The following GAS2L3 variants were observed in gnomAD, a reference collection of about 807,000 sequenced individuals.
GAS2L3 encodes the protein growth arrest specific 2 like 3.
A neutral mutation model predicts 37.0 loss-of-function variants in GAS2L3; 28 were observed. That is an observed-to-expected ratio of 0.76 (90% CI 0.56 to 1.04). The LOEUF is 1.04. Ranked by LOEUF, GAS2L3 falls within the 50% of genes least tolerant of loss-of-function variation. GAS2L3 has a pLI of 0.00. For synonymous variants in GAS2L3, 290 were observed against 296.6 expected, an observed-to-expected ratio of 0.98 and a Z score of 0.23; for missense variants, 793 against 817.6, an observed-to-expected ratio of 0.97 and a Z score of 0.37.
rs773644132 is a variant in GAS2L3, at chr12:100,627,630, G to A, written c.*2740G>A. The A allele has an allele frequency of 6.6e-6, 1 of 152,176 alleles. No individual in the cohort carries two copies. The highest frequency in any genetic ancestry group is 2.4e-5 in the African/African-American group (1 of 41,456). The allele number at this position is 152,176 out of a possible 1,614,324, so 9.4% of individuals were successfully genotyped here. ...CGAAAGACAATTAGTTTCTTCAGAT[G>A]TATTTTGAAATTCTCCTAAAGAGCT... On this transcript the variant is annotated 3_prime_UTR_variant, in exon 10 of 10. Transcript: ENST00000547754.
rs778227797 is a variant in GAS2L3, at chr12:100,623,833, A to G, written c.1028A>G (p.Lys343Arg). The part of the protein sequence containing the change: ...PSVPVSIPKS[K>R]EKQGRPPGAL... ...GTGCCAGTTAGTATTCCAAAAAGCA[A>G]AGAAAAACAGGGACGTCCACCAGGT... is the stretch of plus-strand genomic sequence containing the variant. Residue 343 changes from lysine to arginine, a missense_variant, in exon 10 of 10, where the codon AAA becomes AGA. By Grantham distance (26) the Lys-to-Arg change is conservative. Coordinates refer to ENST00000547754, the MANE Select transcript of GAS2L3 (RefSeq NM_174942.3). 6.2e-7 allele frequency: 1 copy of G among 1,614,132 alleles called. No individual in the cohort carries two copies. The highest frequency in any genetic ancestry group is 1.1e-5 in the South Asian group (1 of 91,082).
At chr12:100,622,452 C>A (rs555553421) in intron 9 of GAS2L3, 70 bp downstream of exon 9, 9 of 747,554 alleles carry the variant, frequency 1.2e-5, no homozygotes, top group Admixed American at 2.3e-5. Flanking sequence ...GCTTTACTAA[C>A]CTTTTGCTCT....
At chr12:100,616,019 A>G (rs1843444909) in intron 6 of GAS2L3, among the ~76,000 whole-genome samples, 1 of 152,140 alleles carries the variant, frequency 6.6e-6, no homozygotes, top group African/African-American at 2.4e-5. Context: ...TTTCTGGAAA[A>G]AAAAAGGGGT....
chr12:100,617,073 G>A (rs1956196549), intron 6 of GAS2L3, among the ~76,000 whole-genome samples: 1 of 150,524 alleles, frequency 6.6e-6, no homozygotes, highest in Non-Finnish European at 1.5e-5. Context: ...TTTGTCTCTT[G>A]AGATAATTGG....
intron 1 of GAS2L3, among the ~76,000 whole-genome samples, chr12:100,577,352 A>G (rs1464731950): frequency 6.6e-6 from 1 of 152,176 alleles, no homozygotes; most frequent in Non-Finnish European, 1.5e-5. Flanking sequence ...TATCATGTGT[A>G]AAGGCAAACT....
chr12:100,623,052 T>C (rs1255500237), intron 9 of GAS2L3, among the ~76,000 whole-genome samples: 3 of 152,148 alleles, frequency 2.0e-5, no homozygotes, highest in African/African-American at 7.2e-5. Context: ...AAAAATATTA[T>C]TTCACCATCC....
chr12:100,624,568 A>G lies in GAS2L3; in HGVS notation c.1763A>G (p.Lys588Arg). Residue 588 changes from lysine to arginine, a missense_variant, in exon 10 of 10, where the codon AAA (lysine) becomes AGA (arginine). Lys to Arg is a conservative substitution (Grantham distance 26, BLOSUM62 2). Coordinates refer to ENST00000547754, the MANE Select transcript of GAS2L3 (RefSeq NM_174942.3). Reference sequence around the variant, plus strand: ...GATAAGAATATAGTTTCAGCTACCAAAAAGCAGCCTCAGAATAAAAGTGCA... The same window carrying G: ...GATAAGAATATAGTTTCAGCTACCAGAAAGCAGCCTCAGAATAAAAGTGCA... ...SKDKNIVSATKKQPQNKSAFQ... is the reference protein window; with the variant it reads ...SKDKNIVSATRKQPQNKSAFQ... The G allele has an allele frequency of 6.2e-7, 1 of 1,614,112 alleles. No homozygotes were observed. The highest frequency in any genetic ancestry group is 8.5e-7 in the Non-Finnish European group (1 of 1,180,026).
intron 1 of GAS2L3, among the ~76,000 whole-genome samples, chr12:100,591,239 G>A (rs1271151872): frequency 1.3e-5 from 2 of 151,890 alleles, no homozygotes; most frequent in Non-Finnish European, 2.9e-5. Flanking sequence ...CAGTAAAGGA[G>A]GTGAATAAAT....
chr12:100,587,743 G>C (rs1396393678), intron 1 of GAS2L3, among the ~76,000 whole-genome samples: 1 of 152,134 alleles, frequency 6.6e-6, no homozygotes, highest in South Asian at 2.1e-4. Context: ...AGAGCAGTGA[G>C]AAAAGAGAAA....
At chr12:100,591,697 G>A (rs1353204509) in intron 1 of GAS2L3, 39 bp from the exon 2 acceptor site, 1 of 151,984 alleles carries the variant, frequency 6.6e-6, no homozygotes, top group Non-Finnish European at 1.5e-5. Context: ...ATTTTTTACA[G>A]CAGCCATAAG....
At chr12:100,617,599 TAA>T (rs1007696555) in intron 6 of GAS2L3, 143 bp from the exon 7 acceptor site, 32 of 606,980 alleles carry the variant, frequency 5.3e-5, no homozygotes, top group African/African-American at 4.6e-4. Flanking sequence ...GTAGAAAAAA[TAA>T]AAGTGTCTTT....
chr12:100,624,686 T>C lies in GAS2L3; in HGVS notation c.1881T>C (p.Thr627=), dbSNP rs1452215934. 1.2e-6 allele frequency: 2 copies of C among 1,613,918 alleles called. No individual in the cohort carries two copies. The highest frequency in any genetic ancestry group is 2.2e-5 in the South Asian group (2 of 91,076). The change falls in exon 10 of 10, where the codon ACT becomes ACC. Residue 627 remains threonine (T), a synonymous_variant. Transcript: ENST00000547754. ...SLPQSSTKTQ[T]APKSAQTVAK... ...CCCAGTCTTCTACCAAAACACAAAC[T>C]GCACCGAAGTCAGCACAGACTGTCG...
chr12:100,619,416 AT>A (rs1956226996), intron 8 of GAS2L3, among the ~76,000 whole-genome samples: 1 of 152,100 alleles, frequency 6.6e-6, no homozygotes, highest in Non-Finnish European at 1.5e-5. Flanking sequence ...GGACTGTAGC[AT>A]TTTATAAAGG....
At chr12:100,574,736 C>T (rs1955614282) in intron 1 of GAS2L3, among the ~76,000 whole-genome samples, 2 of 152,202 alleles carry the variant, frequency 1.3e-5, no homozygotes, top group Non-Finnish European at 2.9e-5. Flanking sequence ...AACAGAACCG[C>T]TTTGTGAATT....
chr12:100,600,086 G>GT (rs1955965784), intron 3 of GAS2L3, among the ~76,000 whole-genome samples: 1 of 152,152 alleles, frequency 6.6e-6, no homozygotes, highest in South Asian at 2.1e-4. Flanking sequence ...ACTTAGCTGG[G>GT]TGTGGTGGCA....
Position 100,600,519 on chromosome 12 carries a change from A to T in GAS2L3, c.156A>T (p.Glu52Asp). ...RHEATLLPMQ[E>D]DLSIWLSGLL... The stretch of plus-strand genomic sequence containing the variant: ...AAGCCACTTTGTTGCCCATGCAAGA[A>T]GATCTGTCAATCTGGTTATCTGGTT... Residue 52 changes from glutamate (E) to aspartate (D), a missense_variant, in exon 4 of 10, where the codon GAA (glutamate) becomes GAT (aspartate). Transcript: ENST00000547754. The T allele has an allele frequency of 6.2e-7, 1 of 1,613,938 alleles. No individual in the cohort carries two copies. Among genetic ancestry groups the T allele is most frequent in the Non-Finnish European group, 8.5e-7 (1 of 1,179,912 alleles).
intron 1 of GAS2L3, among the ~76,000 whole-genome samples, chr12:100,577,699 T>C (rs1336350143): frequency 6.6e-6 from 1 of 152,206 alleles, no homozygotes; most frequent in African/African-American, 2.4e-5. Flanking sequence ...ATCTTATTTT[T>C]AAAAGTATAG....
At chr12:100,577,323 C>T (rs944267196) in intron 1 of GAS2L3, among the ~76,000 whole-genome samples, 2 of 151,878 alleles carry the variant, frequency 1.3e-5, no homozygotes, top group African/African-American at 4.8e-5. Flanking sequence ...TATATATGTC[C>T]CCATACATTC....
chr12:100,626,295 A>G lies in GAS2L3; in HGVS notation c.*1405A>G, dbSNP rs1329401592. ...ATTTTAAGCTGGCGACTAGTGTTCTATAGATTACAAAGCAAGAAAACTTTC... is the reference window on the plus strand; with the variant it reads ...ATTTTAAGCTGGCGACTAGTGTTCTGTAGATTACAAAGCAAGAAAACTTTC... On this transcript the variant is annotated 3_prime_UTR_variant, in exon 10 of 10. Coordinates refer to ENST00000547754, the MANE Select transcript of GAS2L3 (RefSeq NM_174942.3). 6.6e-6 allele frequency: 1 copy of G among 152,224 alleles called. No individual in the cohort carries two copies. Among genetic ancestry groups the G allele is most frequent in the Non-Finnish European group, 1.5e-5 (1 of 68,030 alleles). 9.4% of individuals were successfully genotyped at this position (152,224 alleles called of 1,614,324 possible). A position where few individuals can be genotyped will look rare whatever the true frequency, so the allele number is the denominator to read the frequency against.
Sources: gnomAD v4.1 joint callset for allele counts (sites outside exome capture counted in the v4.1 genomes callset) on GRCh38, gnomAD v4.1.1 for gene constraint, MANE v1.5 for transcripts, NCBI Gene and HGNC (gene_info 2026-07-23, HGNC 2026-07-21) for gene names.